The following EPB41L4A variants were observed in gnomAD, a reference collection of about 807,000 sequenced individuals.
EPB41L4A encodes the protein band 4.1-like protein 4A.
A neutral mutation model predicts 108.6 loss-of-function variants in EPB41L4A; 100 were observed. That is an observed-to-expected ratio of 0.92 (90% CI 0.78 to 1.09). EPB41L4A has a LOEUF of 1.09. Among genes scored for constraint, EPB41L4A ranks in the 50% least tolerant of loss-of-function variants. The pLI, the probability that EPB41L4A is intolerant of heterozygous loss-of-function variation, is 0.00. For synonymous variants in EPB41L4A, 319 were observed against 289.0 expected, an observed-to-expected ratio of 1.10 and a Z score of -1.05; for missense variants, 1,030 against 842.7, an observed-to-expected ratio of 1.22 and a Z score of -2.75.
intron 13 of EPB41L4A, among the ~76,000 whole-genome samples, chr5:112,209,416 C>T (rs905351263): frequency 6.6e-6 from 1 of 152,224 alleles, no homozygotes; most frequent in African/African-American, 2.4e-5. Flanking sequence ...TGCAGAGGAC[C>T]ATGACAAGTC....
At chr5:112,157,547 T>C (rs566508959) in intron 12 of EPB41L4A, among the ~76,000 whole-genome samples, 2 of 152,322 alleles carry the variant, frequency 1.3e-5, no homozygotes, top group East Asian at 3.9e-4. Context: ...CTGAGGGTTA[T>C]TCCCAGGTAC....
intron 12 of EPB41L4A, among the ~76,000 whole-genome samples, chr5:112,214,907 CTG>C (rs1044372542): frequency 6.6e-6 from 1 of 152,112 alleles, no homozygotes; most frequent in Admixed American, 6.5e-5. Flanking sequence ...ACAGATTATT[CTG>C]TGTTTCATTT....
intron 1 of EPB41L4A, among the ~76,000 whole-genome samples, chr5:112,337,515 C>T (rs1315684078): frequency 1.3e-5 from 2 of 152,180 alleles, no homozygotes. Flanking sequence ...TCCCCACAGA[C>T]TGGTGAAACT....
chr5:112,295,472 G>T (rs1753928186), intron 2 of EPB41L4A, among the ~76,000 whole-genome samples: 1 of 152,258 alleles, frequency 6.6e-6, no homozygotes, highest in South Asian at 2.1e-4. Context: ...ATAAGCCCAA[G>T]ATTAGGACAT....
chr5:112,208,244 C>A (rs1242253371), intron 13 of EPB41L4A, among the ~76,000 whole-genome samples: 265 of 85,004 alleles, frequency 3.1e-3, no homozygotes, highest in Middle Eastern at 8.3e-3. Context: ...GACTCCATCT[C>A]AAAAAAAAAA....
chr5:112,247,055 A>C (rs1037295012), intron 9 of EPB41L4A, among the ~76,000 whole-genome samples: 1 of 152,236 alleles, frequency 6.6e-6, no homozygotes, highest in Non-Finnish European at 1.5e-5. Flanking sequence ...GGTTTGTGTA[A>C]AAATATTCTA....
chr5:112,156,910 T>A (rs78495840), intron 12 of EPB41L4A, among the ~76,000 whole-genome samples: 7,078 of 152,242 alleles, frequency 0.046, 199 homozygotes, highest in Middle Eastern at 0.068. Flanking sequence ...CATTGAACTT[T>A]ACAATCTAAT....
chr5:112,276,244 A>C (rs1178955563), intron 3 of EPB41L4A, among the ~76,000 whole-genome samples: 3 of 152,208 alleles, frequency 2.0e-5, no homozygotes, highest in African/African-American at 4.8e-5. Context: ...TCATCTCATT[A>C]ATTTACCAAA....
chr5:112,271,940 C>T (rs894040947), intron 4 of EPB41L4A, among the ~76,000 whole-genome samples: 2 of 152,118 alleles, frequency 1.3e-5, no homozygotes, highest in Non-Finnish European at 2.9e-5. Flanking sequence ...TCATTTACTT[C>T]AGAAAACATC....
In EPB41L4A at chr5:112,245,876, G is replaced by A. The variant is rs567061354; in HGVS notation, c.796-5066C>T. ...CCAAACATACCAGAAAAGAGTGTCA[G>A]AGAGGCTGGGAAGAGAGAGTGCAAC... On this transcript the variant is annotated intron_variant, in intron 9 of 22. Transcript: ENST00000261486. Among the ~76,000 whole-genome samples the A allele has an allele frequency of 2.0e-5, 3 of 152,302 alleles. No homozygotes were observed. The East Asian group carries it at 5.8e-4, about 29-fold the overall frequency.
At chr5:112,414,399 T>G (rs1762583602) in intron 1 of EPB41L4A, among the ~76,000 whole-genome samples, 1 of 152,166 alleles carries the variant, frequency 6.6e-6, no homozygotes, top group Non-Finnish European at 1.5e-5. Flanking sequence ...GGAGGGTGAT[T>G]ATGCCCATCA....
At chr5:112,179,828 G>A (rs76377558) in intron 18 of EPB41L4A, among the ~76,000 whole-genome samples, 6,411 of 152,152 alleles carry the variant, frequency 0.042, 428 homozygotes, top group African/African-American at 0.14. Context: ...CAGTGTAAGG[G>A]AAGGAACAGA....
intron 2 of EPB41L4A, among the ~76,000 whole-genome samples, chr5:112,281,825 C>T (rs1339263315): frequency 6.6e-6 from 1 of 152,148 alleles, no homozygotes; most frequent in Non-Finnish European, 1.5e-5. Context: ...ACTATGAATA[C>T]TATGACTATG....
chr5:112,194,448 T>C (rs1229665826), intron 17 of EPB41L4A, 120 bp downstream of exon 17: 8 of 572,104 alleles, frequency 1.4e-5, no homozygotes, highest in Non-Finnish European at 2.4e-5. Context: ...TTCAAAATAG[T>C]GCCAGATTGC....
intron 8 of EPB41L4A, 73 bp downstream of exon 8, chr5:112,259,818 A>C: frequency 2.8e-6 from 3 of 1,087,080 alleles, no homozygotes; most frequent in Non-Finnish European, 4.2e-6. Context: ...CTTTTCCCCA[A>C]CTCTTTCACT....
chr5:112,194,112 G>C (rs1761841670), intron 17 of EPB41L4A, among the ~76,000 whole-genome samples: 1 of 151,790 alleles, frequency 6.6e-6, no homozygotes, highest in Non-Finnish European at 1.5e-5. Context: ...GGCACACACA[G>C]ATGAGTAAAT....
chr5:112,241,402 T>C (rs1749775308), intron 9 of EPB41L4A, among the ~76,000 whole-genome samples: 1 of 152,204 alleles, frequency 6.6e-6, no homozygotes, highest in Admixed American at 6.5e-5. Flanking sequence ...AATAGGTGTA[T>C]AATACATGCT....
intron 17 of EPB41L4A, among the ~76,000 whole-genome samples, chr5:112,188,649 C>T (rs188055895): frequency 6.6e-6 from 1 of 152,252 alleles, no homozygotes; most frequent in East Asian, 1.9e-4. Context: ...ATCTGCAGTA[C>T]GGTGAACACT....
At chr5:112,272,760 G>A in intron 4 of EPB41L4A, among the ~76,000 whole-genome samples, 1 of 92,080 alleles carries the variant, frequency 1.1e-5, no homozygotes, top group African/African-American at 4.2e-5. Context: ...CAGTCTGGGT[G>A]ACAAGAGCAA....
Sources: gnomAD v4.1 joint callset for allele counts (sites outside exome capture counted in the v4.1 genomes callset) on GRCh38, gnomAD v4.1.1 for gene constraint, MANE v1.5 for transcripts, NCBI Gene and HGNC (gene_info 2026-07-23, HGNC 2026-07-21) for gene names.